Variants in ABAT observed in about 807,000 individuals in gnomAD.
ABAT encodes 4-aminobutyrate aminotransferase, also known as 4-aminobutyrate aminotransferase, mitochondrial.
Under a neutral mutation model 64.6 loss-of-function variants are expected in ABAT, and 45 were observed. The observed-to-expected ratio is 0.70, with a 90% CI of 0.55 to 0.89. The LOEUF (loss-of-function observed/expected upper bound fraction) is 0.89, where lower values mean the gene tolerates loss of function less well. Ranked by LOEUF, ABAT falls within the 40% of genes least tolerant of loss-of-function variation. The pLI, the probability that ABAT is intolerant of heterozygous loss-of-function variation, is 0.00. For missense variants in ABAT, 633 were observed against 658.4 expected (o/e 0.96, Z 0.42); for synonymous variants, 297 against 250.5 (o/e 1.19, Z -1.75).
chr16:8,722,898 T>C (rs1036424319), intron 1 of ABAT: 10 of 1,279,168 alleles, frequency 7.8e-6, no homozygotes, highest in Non-Finnish European at 1.0e-5. Context: ...TATGGAACTC[T>C]TAGCACGCTT....
At chr16:8,726,419 C>T (rs959988764) in intron 1 of ABAT, among the ~76,000 whole-genome samples, 10 of 152,046 alleles carry the variant, frequency 6.6e-5, no homozygotes, top group Non-Finnish European at 4.4e-5. Flanking sequence ...GGTCACCACA[C>T]CCAGATGATT....
At chr16:8,732,333 A>G (rs991390730) in intron 1 of ABAT, among the ~76,000 whole-genome samples, 8 of 150,576 alleles carry the variant, frequency 5.3e-5, no homozygotes, top group Middle Eastern at 6.9e-3. Flanking sequence ...CAAGTGAACA[A>G]AGGTCTCTGG....
intron 1 of ABAT, among the ~76,000 whole-genome samples, chr16:8,716,223 G>T (rs1386714624): frequency 6.6e-6 from 1 of 152,100 alleles, no homozygotes; most frequent in Admixed American, 6.5e-5. Context: ...GTGAAATTTA[G>T]TACTAAAGAT....
At chr16:8,687,489 G>A (rs1057230389) in intron 1 of ABAT, among the ~76,000 whole-genome samples, 1 of 152,218 alleles carries the variant, frequency 6.6e-6, no homozygotes, top group East Asian at 1.9e-4. Flanking sequence ...TCGCGCCACC[G>A]CACTCCAGCC....
Position 8,781,953 on chromosome 16 carries a change from C to A in ABAT, c.*523C>A, listed in dbSNP as rs562620547. The A allele has an allele frequency of 1.4e-5, 3 of 216,722 alleles. No homozygotes were observed. In the East Asian group the frequency reaches 3.2e-4, roughly 23 times the overall value. 13.4% of individuals were successfully genotyped at this position (216,722 alleles called of 1,614,324 possible). A position where few individuals can be genotyped will look rare whatever the true frequency, so the allele number is the denominator to read the frequency against. On this transcript the variant is annotated 3_prime_UTR_variant, in exon 16 of 16. Coordinates refer to ENST00000268251, the MANE Select transcript of ABAT (RefSeq NM_020686.6). This position sits in a 1 kb window ranked among gnomAD's most constrained non-coding sequence, Gnocchi z 4.5. ...CACGCATGGTGCAGGAGGGACTGGA[C>A]AGATCTGAGGAAGGCCGTAAAATGG...
chr16:8,777,887 A>G (rs1479966991), intron 14 of ABAT, among the ~76,000 whole-genome samples: 1 of 152,156 alleles, frequency 6.6e-6, no homozygotes, highest in African/African-American at 2.4e-5. Flanking sequence ...CAGAAGCAGG[A>G]GGATTGCCTT....
At chr16:8,734,973 C>T (rs985421792) in intron 1 of ABAT, among the ~76,000 whole-genome samples, 3 of 151,266 alleles carry the variant, frequency 2.0e-5, no homozygotes, top group Non-Finnish European at 4.4e-5. Flanking sequence ...TTTGGGAGGC[C>T]AAGGCAGGCA....
intron 1 of ABAT, among the ~76,000 whole-genome samples, chr16:8,684,537 T>C (rs1257947719): frequency 6.6e-6 from 1 of 151,916 alleles, no homozygotes; most frequent in African/African-American, 2.4e-5. Context: ...GCAAGACCCC[T>C]CAAGACCCCT....
At chr16:8,720,333 G>A (rs1018425742) in intron 1 of ABAT, among the ~76,000 whole-genome samples, 14 of 152,200 alleles carry the variant, frequency 9.2e-5, no homozygotes, top group Non-Finnish European at 1.5e-5. Flanking sequence ...CCACACTTTA[G>A]ACCCAATTTC....
intron 1 of ABAT, among the ~76,000 whole-genome samples, chr16:8,709,544 T>G (rs953254504): frequency 2.0e-5 from 3 of 152,100 alleles, no homozygotes; most frequent in African/African-American, 7.2e-5. Flanking sequence ...CAGCTAATTT[T>G]TGTATTTTCA....
At position 8,768,160 on chromosome 16, in the gene ABAT, C is replaced by A. The variant is rs530804959; in HGVS notation, c.604-33C>A. The A allele has an allele frequency of 3.7e-6, 6 of 1,605,340 alleles. No individual in the cohort carries two copies. In the African/African-American group the frequency reaches 8.0e-5, roughly 21 times the overall value. On this transcript the variant is annotated intron_variant, in intron 9 of 15. Transcript: ENST00000268251. ...CAATACAGTTCCCCCATCCTTACAACTATGACTAATGACTGATATTTCTTG... is the reference window on the plus strand; with the variant it reads ...CAATACAGTTCCCCCATCCTTACAAATATGACTAATGACTGATATTTCTTG...
intron 1 of ABAT, among the ~76,000 whole-genome samples, chr16:8,679,526 C>A (rs200079198): frequency 3.1e-4 from 42 of 133,634 alleles, no homozygotes; most frequent in Non-Finnish European, 2.8e-4. Context: ...ACATGAAAGC[C>A]AAAAAAAAAA....
At chr16:8,779,396 G>T in intron 14 of ABAT, 83 bp from the exon 15 acceptor site, 1 of 1,157,772 alleles carries the variant, frequency 8.6e-7, no homozygotes. Flanking sequence ...ACCATGGGAG[G>T]CCTTTGACGA....
intron 1 of ABAT, among the ~76,000 whole-genome samples, chr16:8,710,676 G>T (rs920056654): frequency 4.7e-5 from 7 of 148,242 alleles, no homozygotes; most frequent in African/African-American, 1.3e-4. Flanking sequence ...GGAGGTTAAG[G>T]CTGCACTGAG....
intron 1 of ABAT, among the ~76,000 whole-genome samples, chr16:8,716,258 C>G (rs1178115580): frequency 6.6e-6 from 1 of 152,130 alleles, no homozygotes; most frequent in Non-Finnish European, 1.5e-5. Flanking sequence ...TGATGTCGGG[C>G]AAATCACTTA....
At chr16:8,735,620 G>A (rs1246116088) in intron 1 of ABAT, 79 bp from the exon 2 acceptor site, 53 of 1,135,702 alleles carry the variant, frequency 4.7e-5, no homozygotes, top group Non-Finnish European at 6.7e-5. Flanking sequence ...TATTAGGTGG[G>A]AAGTGGTGGG....
At chr16:8,686,633 G>A (rs142743095) in intron 1 of ABAT, among the ~76,000 whole-genome samples, 45 of 152,220 alleles carry the variant, frequency 3.0e-4, no homozygotes, top group South Asian at 1.0e-3. Flanking sequence ...TGACTGACTC[G>A]CCCAGGGTCT....
At position 8,776,294 on chromosome 16, in the gene ABAT, G is replaced by A; in HGVS notation, c.1123-50G>A. On this transcript the variant is annotated intron_variant, in intron 13 of 15. Coordinates refer to ENST00000268251, the MANE Select transcript of ABAT (RefSeq NM_020686.6). The surrounding 1 kb of genome is among the most constrained non-coding windows in gnomAD (Gnocchi z 4.4). ...GGGGCGCCTGGGGTAAGTGACTCCTGCAGGGTGTGCATGTGTGTGAAGCCT... is the reference window on the plus strand; with the variant it reads ...GGGGCGCCTGGGGTAAGTGACTCCTACAGGGTGTGCATGTGTGTGAAGCCT... 2 of 1,613,346 alleles carry A rather than the reference G, an allele frequency of 1.2e-6. No individual in the cohort carries two copies. The highest frequency in any genetic ancestry group is 1.7e-6 in the Non-Finnish European group (2 of 1,179,874).
At chr16:8,737,990 AG>A (rs1287755930) in intron 2 of ABAT, among the ~76,000 whole-genome samples, 2 of 45,870 alleles carry the variant, frequency 4.4e-5, no homozygotes, top group Non-Finnish European at 4.3e-5. Context: ...GGAAGGAAGG[AG>A]GAAAGAAAGA....
Sources: allele counts gnomAD v4.1 joint callset (sites outside exome capture counted in the v4.1 genomes callset), GRCh38; gene constraint gnomAD v4.1.1; non-coding constraint Gnocchi (gnomAD v3.1); transcripts MANE v1.5; gene names NCBI Gene and HGNC (gene_info 2026-07-23, HGNC 2026-07-21).